SLFN5: variants seen among roughly 807,000 people sequenced by gnomAD.
The protein encoded by SLFN5 is schlafen family member 5.
SLFN5 carries 34 observed loss-of-function variants against 48.5 expected under a neutral mutation model. That is an observed-to-expected ratio of 0.70 (90% confidence interval 0.53 to 0.93). SLFN5 has a LOEUF of 0.93. SLFN5 is among the 40% of genes least tolerant of loss of function. SLFN5 has a pLI of 0.00. For synonymous variants in SLFN5, 387 were observed against 396.2 expected (o/e 0.98, Z 0.28); for missense variants, 1,006 against 1,071.3 (o/e 0.94, Z 0.85).
At chr17:35,249,428 C>A (rs2092437581) in intron 1 of SLFN5, among the ~76,000 whole-genome samples, 1 of 152,104 alleles carries the variant, frequency 6.6e-6, no homozygotes. Context: ...CAATAGTCTG[C>A]CTTTCCCTAA....
At position 35,258,833 on chromosome 17, in the gene SLFN5, G is replaced by A; in HGVS notation, c.143G>A (p.Cys48Tyr). Residue 48 changes from cysteine (C) to tyrosine (Y), a missense_variant, in exon 2 of 5, where the codon TGT (cysteine) becomes TAT (tyrosine). Transcript: ENST00000299977. ...KQNEIILRAVCALLNSGGGII... is the reference protein window; with the variant it reads ...KQNEIILRAVYALLNSGGGII... ...AATGAAATCATCCTGCGAGCAGTATGTGCTCTGCTGAATTCTGGTGGGGGC... is the reference window on the plus strand; with the variant it reads ...AATGAAATCATCCTGCGAGCAGTATATGCTCTGCTGAATTCTGGTGGGGGC... The A allele has an allele frequency of 6.2e-7, 1 of 1,614,198 alleles. No homozygotes were observed. The highest frequency in any genetic ancestry group is 1.1e-5 in the South Asian group (1 of 91,082).
intron 1 of SLFN5, among the ~76,000 whole-genome samples, chr17:35,250,837 A>G (rs1335855831): frequency 6.6e-6 from 1 of 152,210 alleles, no homozygotes; most frequent in African/African-American, 2.4e-5. Context: ...TTAAGGCTAA[A>G]TTACAATTTT....
intron 2 of SLFN5, 193 bp downstream of exon 2, chr17:35,259,895 T>A: frequency 3.0e-6 from 2 of 671,052 alleles, no homozygotes; most frequent in Non-Finnish European, 4.9e-6. Context: ...TCTGCCATCT[T>A]AAATAGTCTT....
rs935022256 is a variant in SLFN5, at chr17:35,272,007, G to C, written c.*6119G>C. 1 of 150,760 alleles carries C rather than the reference G, an allele frequency of 6.6e-6. No homozygotes were observed. The highest frequency in any genetic ancestry group is 2.5e-5 in the African/African-American group (1 of 40,486). 9.3% of individuals were successfully genotyped at this position (150,760 alleles called of 1,614,324 possible). A position where few individuals can be genotyped will look rare whatever the true frequency, so the allele number is the denominator to read the frequency against. On this transcript the variant is annotated 3_prime_UTR_variant, in exon 5 of 5. Coordinates refer to ENST00000299977, the MANE Select transcript of SLFN5 (RefSeq NM_144975.4). The stretch of plus-strand genomic sequence containing the variant: ...AAATCACATCACTGCACTCCAGTCT[G>C]GGCAGCCAGAGTGAGACCCTGTCTC...
rs967726025 is a variant in SLFN5, at chr17:35,269,209, T to C, written c.*3321T>C. The C allele has an allele frequency of 6.6e-6, 1 of 152,188 alleles. No homozygotes were observed. Among genetic ancestry groups the C allele is most frequent in the Non-Finnish European group, 1.5e-5 (1 of 68,050 alleles). The allele number at this position is 152,188 out of a possible 1,614,324, so 9.4% of individuals were successfully genotyped here. On this transcript the variant is annotated 3_prime_UTR_variant, in exon 5 of 5. Coordinates refer to ENST00000299977, the MANE Select transcript of SLFN5 (RefSeq NM_144975.4). Reference sequence around the variant, plus strand: ...GTACAAAGGCAGCACATGGGTATTTTTGAACATAAAAGAGTTCTAGAAATA... The same window carrying C: ...GTACAAAGGCAGCACATGGGTATTTCTGAACATAAAAGAGTTCTAGAAATA...
Position 35,259,532 on chromosome 17 carries a change from T to C in SLFN5, c.842T>C (p.Leu281Pro). 6.2e-7 allele frequency: 1 copy of C among 1,614,184 alleles called. No homozygotes were observed. The highest frequency in any genetic ancestry group is 8.5e-7 in the Non-Finnish European group (1 of 1,180,044). Reference protein sequence around the residue: ...RPEIKYVLNFLEVHDKGALRG... With the variant: ...RPEIKYVLNFPEVHDKGALRG... ...GAGATAAAATATGTCCTTAACTTCC[T>C]TGAAGTGCATGATAAGGGGGCCCTC... The change falls in exon 2 of 5, where the codon CTT (leucine) becomes CCT (proline). Residue 281 changes from leucine (L) to proline (P), a missense_variant. Coordinates refer to ENST00000299977, the MANE Select transcript of SLFN5 (RefSeq NM_144975.4).
chr17:35,270,033 C>T lies in SLFN5; in HGVS notation c.*4145C>T, dbSNP rs944070855. 7.9e-5 allele frequency: 12 copies of T among 152,064 alleles called. No homozygotes were observed. The highest frequency in any genetic ancestry group is 7.9e-4 in the Admixed American group (12 of 15,270). 9.4% of individuals were successfully genotyped at this position (152,064 alleles called of 1,614,324 possible). The stretch of plus-strand genomic sequence containing the variant: ...AAGAAAAATATTCGGTAGTTCAGCT[C>T]TTCCTTCAATTTTATTAGTTGCTTT... On this transcript the variant is annotated 3_prime_UTR_variant, in exon 5 of 5. Transcript: ENST00000299977.
chr17:35,265,455 C>G lies in SLFN5; in HGVS notation c.2243C>G (p.Pro748Arg), dbSNP rs777080936. The G allele has an allele frequency of 9.9e-6, 16 of 1,613,556 alleles. No individual in the cohort carries two copies. Among genetic ancestry groups the G allele is most frequent in the Non-Finnish European group, 1.3e-5 (15 of 1,180,008 alleles). The stretch of plus-strand genomic sequence containing the variant: ...GGGTCCCTGGTGATGCTCTATGAAC[C>G]TAAATGGGCTCAAGGTGTCCCAGGC... ...PPGSLVMLYE[P>R]KWAQGVPGNL... The change falls in exon 5 of 5, where the codon CCT (proline) becomes CGT (arginine). Residue 748 changes from proline (P) to arginine (R), a missense_variant. Physicochemically the swap from Pro to Arg is moderately radical, Grantham distance 103. Transcript: ENST00000299977.
chr17:35,256,691 C>T (rs1904352695), intron 1 of SLFN5, among the ~76,000 whole-genome samples: 1 of 152,166 alleles, frequency 6.6e-6, no homozygotes. Context: ...CACGATGCCA[C>T]CTTCCTTTTA....
chr17:35,264,477 TGGTGAACAAAGGCGGCTAC>T lies in SLFN5; in HGVS notation c.1434_1452del (p.Val479LeufsTer13). 1.2e-6 allele frequency: 2 copies of T among 1,614,120 alleles called. No individual in the cohort carries two copies. The highest frequency in any genetic ancestry group is 1.7e-6 in the Non-Finnish European group (2 of 1,180,008). On this transcript the variant is annotated frameshift_variant, in exon 4 of 5. Transcript: ENST00000299977. LOFTEE classifies it high-confidence loss of function. ...GTTGCCTATTCTTTGAAGCAGAAGC[TGGTGAACAAAGGCGGCTAC>T]ACTGGGAGGTTATGCATCACCCCCT...
rs551198667 is a variant in SLFN5, at chr17:35,244,078, C to T, written c.-41+935C>T. Among the ~76,000 whole-genome samples, 26 of 152,264 alleles carry T rather than the reference C, an allele frequency of 1.7e-4. No homozygotes were observed. The South Asian group carries it at 5.4e-3, about 32-fold the overall frequency. ...CAGCTGGTCACAATGCCCTTAAAGG[C>T]ATTCATTCCTTCTGCAAAATTTTTT... On this transcript the variant is annotated intron_variant, in intron 1 of 4. Transcript: ENST00000299977.
At chr17:35,245,307 T>C (rs1454150763) in intron 1 of SLFN5, among the ~76,000 whole-genome samples, 1 of 152,230 alleles carries the variant, frequency 6.6e-6, no homozygotes, top group Non-Finnish European at 1.5e-5. Context: ...GACTAAGGGC[T>C]AGTAGCATAT....
chr17:35,258,436 C>A (rs780247935), intron 1 of SLFN5, among the ~76,000 whole-genome samples: 2 of 152,052 alleles, frequency 1.3e-5, no homozygotes, highest in Non-Finnish European at 2.9e-5. Flanking sequence ...GGGGAAACTG[C>A]CCCCCATGAC....
At chr17:35,261,971 G>A (rs1052383553) in intron 3 of SLFN5, among the ~76,000 whole-genome samples, 4 of 151,966 alleles carry the variant, frequency 2.6e-5, no homozygotes, top group Non-Finnish European at 2.9e-5. Flanking sequence ...GAGCCACTGC[G>A]CCCAGCCCAA....
chr17:35,252,571 T>G (rs2092444900), intron 1 of SLFN5, among the ~76,000 whole-genome samples: 1 of 152,228 alleles, frequency 6.6e-6, no homozygotes, highest in Admixed American at 6.5e-5. Flanking sequence ...TTTTAAGATT[T>G]TTTTCTGTAT....
intron 1 of SLFN5, among the ~76,000 whole-genome samples, chr17:35,244,644 G>T (rs1483227536): frequency 6.6e-6 from 1 of 152,160 alleles, no homozygotes; most frequent in Admixed American, 6.5e-5. Context: ...TGTCACAAGA[G>T]GCCGGGCGCC....
At chr17:35,263,585 G>A (rs1904582580) in intron 3 of SLFN5, among the ~76,000 whole-genome samples, 1 of 151,936 alleles carries the variant, frequency 6.6e-6, no homozygotes, top group African/African-American at 2.4e-5. Context: ...CACTTTGGGA[G>A]GCCCAGGCGG....
chr17:35,272,514 A>G lies in SLFN5; in HGVS notation c.*6626A>G, dbSNP rs1297994955. The stretch of plus-strand genomic sequence containing the variant: ...GGGGAAGGTCTAAGTATGGCCCTCA[A>G]TCAGAAACCAGGAAGGAAAATATTG... On this transcript the variant is annotated 3_prime_UTR_variant, in exon 5 of 5. Coordinates refer to ENST00000299977, the MANE Select transcript of SLFN5 (RefSeq NM_144975.4). 6.6e-6 allele frequency: 1 copy of G among 152,254 alleles called. No individual in the cohort carries two copies. Among genetic ancestry groups the G allele is most frequent in the African/African-American group, 2.4e-5 (1 of 41,474 alleles). 9.4% of individuals were successfully genotyped at this position (152,254 alleles called of 1,614,324 possible).
At position 35,265,438 on chromosome 17, in the gene SLFN5, G is replaced by A; in HGVS notation, c.2226G>A (p.Leu742=). 4 of 1,614,206 alleles carry A rather than the reference G, an allele frequency of 2.5e-6. No individual in the cohort carries two copies. The highest frequency in any genetic ancestry group is 2.5e-6 in the Non-Finnish European group (3 of 1,180,042). The change falls in exon 5 of 5, where the codon CTG becomes CTA. Residue 742 remains leucine, a synonymous_variant. Transcript: ENST00000299977. ...NPPPNLPPGS[L]VMLYEPKWAQ... Reference sequence around the variant, plus strand: ...CACCTAACCTCCCCCCTGGGTCCCTGGTGATGCTCTATGAACCTAAATGGG... The same window carrying A: ...CACCTAACCTCCCCCCTGGGTCCCTAGTGATGCTCTATGAACCTAAATGGG...
Sources: allele counts gnomAD v4.1 joint callset (sites outside exome capture counted in the v4.1 genomes callset), GRCh38; gene constraint gnomAD v4.1.1; transcripts MANE v1.5; gene names NCBI Gene and HGNC (gene_info 2026-07-23, HGNC 2026-07-21).